ZNF385D: variants seen among roughly 807,000 people sequenced by gnomAD.
ZNF385D encodes zinc finger protein 385D, also known as zinc finger protein 659.
Under a neutral mutation model 35.8 loss-of-function variants are expected in ZNF385D, and 15 were observed. The observed-to-expected ratio is 0.42, with a 90% CI of 0.28 to 0.64. The LOEUF (loss-of-function observed/expected upper bound fraction) is 0.64, where lower values mean the gene tolerates loss of function less well. Among genes scored for constraint, ZNF385D ranks in the 30% least tolerant of loss-of-function variants. The pLI, the probability that ZNF385D is intolerant of heterozygous loss-of-function variation, is 0.23. For missense variants in ZNF385D, 474 were observed against 494.6 expected, an observed-to-expected ratio of 0.96 and a Z score of 0.39; for synonymous variants, 212 against 186.8, an observed-to-expected ratio of 1.13 and a Z score of -1.10.
chr3:21,581,623 A>G (rs181427842), intron 2 of ZNF385D, among the ~76,000 whole-genome samples: 1 of 152,298 alleles, frequency 6.6e-6, no homozygotes, highest in East Asian at 1.9e-4. Context: ...CTGGTCCAAG[A>G]TATAATTCTT....
At chr3:22,153,867 A>G (rs1705420679) in intron 3 of ZNF385D, among the ~76,000 whole-genome samples, 1 of 152,096 alleles carries the variant, frequency 6.6e-6, no homozygotes, top group Non-Finnish European at 1.5e-5. Flanking sequence ...ACTTCTGGAT[A>G]CCTTTTACTC....
chr3:21,637,220 T>C (rs2065476425), intron 2 of ZNF385D, among the ~76,000 whole-genome samples: 1 of 152,082 alleles, frequency 6.6e-6, no homozygotes, highest in Non-Finnish European at 1.5e-5. Flanking sequence ...CTTACAGAAT[T>C]TTTATAGTTT....
chr3:22,109,473 T>A (rs983930787), intron 3 of ZNF385D, among the ~76,000 whole-genome samples: 3 of 152,142 alleles, frequency 2.0e-5, no homozygotes, highest in Non-Finnish European at 4.4e-5. Context: ...TGCTGGGTAG[T>A]GGACAGAAAG....
chr3:22,146,794 G>A (rs774370629), intron 3 of ZNF385D, among the ~76,000 whole-genome samples: 4 of 152,074 alleles, frequency 2.6e-5, no homozygotes, highest in Non-Finnish European at 4.4e-5. Context: ...TTGCTGAGTA[G>A]ACCAAAATAA....
intron 3 of ZNF385D, among the ~76,000 whole-genome samples, chr3:21,982,852 GT>G (rs534214132): frequency 6.1e-5 from 9 of 146,896 alleles, no homozygotes; most frequent in Non-Finnish European, 6.1e-5. Flanking sequence ...AATCATGTGG[GT>G]TTTTTTTGTC....
At chr3:21,591,169 C>T (rs1462523598) in intron 2 of ZNF385D, among the ~76,000 whole-genome samples, 4 of 152,254 alleles carry the variant, frequency 2.6e-5, no homozygotes, top group East Asian at 3.9e-4. Flanking sequence ...GCACCTCAGC[C>T]TGGGAGACAG....
At chr3:22,114,363 G>A (rs1702702081) in intron 3 of ZNF385D, among the ~76,000 whole-genome samples, 1 of 151,968 alleles carries the variant, frequency 6.6e-6, no homozygotes, top group Admixed American at 6.6e-5. Context: ...CTAAATAAAG[G>A]CATGATTTAC....
chr3:21,877,695 G>C (rs895358296), intron 3 of ZNF385D: 1 of 151,998 alleles, frequency 6.6e-6, no homozygotes, highest in Non-Finnish European at 1.5e-5. Context: ...AAATGTGTGA[G>C]CTGCTATGTC....
chr3:21,837,132 T>C (rs1167216121), intron 3 of ZNF385D, among the ~76,000 whole-genome samples: 1 of 152,110 alleles, frequency 6.6e-6, no homozygotes. Context: ...TAAGTGAAAT[T>C]TTTTTTATAT....
intron 2 of ZNF385D, among the ~76,000 whole-genome samples, chr3:21,592,485 C>T (rs1028444365): frequency 1.5e-5 from 2 of 137,622 alleles, no homozygotes; most frequent in Non-Finnish European, 3.0e-5. Context: ...GTGTTCTCTA[C>T]AATAGGATTT....
chr3:21,976,330 T>C (rs1363685120), intron 3 of ZNF385D, among the ~76,000 whole-genome samples: 1 of 152,068 alleles, frequency 6.6e-6, no homozygotes, highest in Non-Finnish European at 1.5e-5. Flanking sequence ...ACTACAGTAA[T>C]AAGAAAACAA....
At chr3:21,880,977 G>C (rs1232771157) in intron 3 of ZNF385D, among the ~76,000 whole-genome samples, 2 of 151,990 alleles carry the variant, frequency 1.3e-5, no homozygotes, top group East Asian at 1.9e-4. Context: ...ATTCTGTGAA[G>C]GCTGAGAGAG....
chr3:21,919,562 C>T lies in ZNF385D; in HGVS notation c.325+249255G>A, dbSNP rs557320457. The stretch of plus-strand genomic sequence containing the variant: ...AGAGAAGTTTGGGAACAGTTTCTTG[C>T]CACAGCCACATTTCCACTTCAAGAG... On this transcript the variant is annotated intron_variant, in intron 3 of 5. Transcript: ENST00000494108. 5.3e-5 allele frequency among the ~76,000 whole-genome samples: 8 copies of T among 152,290 alleles called. No homozygotes were observed. In the South Asian group the frequency reaches 1.4e-3, roughly 28 times the overall value.
intron 2 of ZNF385D, among the ~76,000 whole-genome samples, chr3:22,180,205 C>G (rs1053081445): frequency 1.3e-5 from 2 of 152,128 alleles, no homozygotes; most frequent in Non-Finnish European, 2.9e-5. Context: ...ATAAATTCCT[C>G]GACACATACA....
At chr3:21,496,481 T>TATAC (rs1705882146) in intron 4 of ZNF385D, among the ~76,000 whole-genome samples, 1 of 141,850 alleles carries the variant, frequency 7.0e-6, no homozygotes, top group Middle Eastern at 3.7e-3. Context: ...TATACATATA[T>TATAC]ACACATATAT....
intron 3 of ZNF385D, among the ~76,000 whole-genome samples, chr3:22,037,088 C>A (rs1428440519): frequency 1.3e-5 from 2 of 152,074 alleles, no homozygotes; most frequent in Non-Finnish European, 2.9e-5. Context: ...ATATGTGCCA[C>A]ATTTTCTTAA....
At chr3:21,981,973 G>A (rs762846627) in intron 3 of ZNF385D, among the ~76,000 whole-genome samples, 4 of 151,716 alleles carry the variant, frequency 2.6e-5, no homozygotes, top group Non-Finnish European at 5.9e-5. Flanking sequence ...TACCCTTGTA[G>A]TATAGTTTGA....
At chr3:22,266,373 T>C (rs889982717) in intron 2 of ZNF385D, among the ~76,000 whole-genome samples, 2 of 151,948 alleles carry the variant, frequency 1.3e-5, no homozygotes, top group African/African-American at 4.8e-5. Flanking sequence ...CAAAATTAAC[T>C]TATTTTGATT....
At chr3:22,102,552 TC>T (rs1559370245) in intron 3 of ZNF385D, among the ~76,000 whole-genome samples, 2 of 151,792 alleles carry the variant, frequency 1.3e-5, no homozygotes, top group Non-Finnish European at 2.9e-5. Context: ...GTTCTGAGAA[TC>T]CCCCAGGAAG....
Sources: allele counts gnomAD v4.1 joint callset (sites outside exome capture counted in the v4.1 genomes callset), GRCh38; gene constraint gnomAD v4.1.1; transcripts MANE v1.5; gene names NCBI Gene and HGNC (gene_info 2026-07-23, HGNC 2026-07-21).